Variants in PDE10A observed in about 807,000 individuals in gnomAD.
PDE10A encodes the protein phosphodiesterase 10A.
Under a neutral mutation model 97.7 loss-of-function variants are expected in PDE10A, and 39 were observed. The observed-to-expected ratio is 0.40, with a 90% CI of 0.31 to 0.52. PDE10A has a LOEUF of 0.52. PDE10A is among the 20% of genes least tolerant of loss of function. The probability of loss-of-function intolerance (pLI) is 0.56; values close to 1 mark genes in which losing one functional copy is unlikely to be tolerated. For missense variants in PDE10A, 731 were observed against 1,047.8 expected (o/e 0.70, Z 4.17); for synonymous variants, 371 against 376.8 (o/e 0.98, Z 0.18).
chr6:165,659,315 C>T (rs886550896), intron 1 of PDE10A, among the ~76,000 whole-genome samples: 6 of 151,976 alleles, frequency 3.9e-5, no homozygotes, highest in Non-Finnish European at 8.8e-5. Flanking sequence ...CAATTAGACA[C>T]ATTTGTATGC....
At chr6:165,411,236 A>C (rs1037248561) in intron 13 of PDE10A, among the ~76,000 whole-genome samples, 1 of 151,950 alleles carries the variant, frequency 6.6e-6, no homozygotes, top group Non-Finnish European at 1.5e-5. Context: ...ACAACACAGT[A>C]CTTGTGATGG....
At chr6:165,623,506 G>GGA (rs1788243624) in intron 1 of PDE10A, among the ~76,000 whole-genome samples, 1 of 145,708 alleles carries the variant, frequency 6.9e-6, no homozygotes, top group African/African-American at 2.5e-5. Context: ...GAGAGAGAGA[G>GGA]AGAAAAAAAA....
intron 2 of PDE10A, among the ~76,000 whole-genome samples, chr6:165,492,698 A>G (rs968667993): frequency 1.3e-5 from 2 of 152,202 alleles, no homozygotes; most frequent in African/African-American, 2.4e-5. Flanking sequence ...CCTTAAGGTA[A>G]TAAAAGCCAT....
chr6:165,522,022 T>C (rs1782158696), intron 2 of PDE10A, among the ~76,000 whole-genome samples: 1 of 152,204 alleles, frequency 6.6e-6, no homozygotes, highest in African/African-American at 2.4e-5. Flanking sequence ...TTTGTAAGGC[T>C]GAATAATATT....
At chr6:165,788,518 C>CAAAAAAAAAAAAAAAAAA (rs56927613) in intron 1 of PDE10A, among the ~76,000 whole-genome samples, 14 of 74,708 alleles carry the variant, frequency 1.9e-4, no homozygotes, top group South Asian at 5.5e-4. Flanking sequence ...AACTCTGTCT[C>CAAAAAAAAAAAAAAAAAA]AAAAAAAAAA....
chr6:165,582,086 A>G (rs1785645464), intron 1 of PDE10A, among the ~76,000 whole-genome samples: 2 of 152,250 alleles, frequency 1.3e-5, no homozygotes, highest in Admixed American at 1.3e-4. Flanking sequence ...GTAGACAATA[A>G]GAACAGTTGA....
At chr6:165,629,414 A>T (rs1040867719) in intron 1 of PDE10A, among the ~76,000 whole-genome samples, 4 of 152,192 alleles carry the variant, frequency 2.6e-5, no homozygotes, top group Non-Finnish European at 5.9e-5. Flanking sequence ...TTATACAGCC[A>T]GAAAAGAAGC....
At chr6:165,766,725 C>T (rs1777860367) in intron 1 of PDE10A, among the ~76,000 whole-genome samples, 1 of 152,192 alleles carries the variant, frequency 6.6e-6, no homozygotes, top group Non-Finnish European at 1.5e-5. Context: ...TTCAACCTCT[C>T]CTTCCTGAGA....
intron 1 of PDE10A, among the ~76,000 whole-genome samples, chr6:165,757,140 C>A (rs1583044292): frequency 6.6e-6 from 1 of 151,886 alleles, no homozygotes; most frequent in African/African-American, 2.4e-5. Flanking sequence ...CTAATTTTTG[C>A]ATTTTTAGTA....
chr6:165,490,890 G>C (rs745483420), intron 2 of PDE10A, among the ~76,000 whole-genome samples: 13 of 152,154 alleles, frequency 8.5e-5, no homozygotes, highest in Non-Finnish European at 1.0e-4. Context: ...GGGAAGTAGA[G>C]GCCGCAGTGA....
chr6:165,848,768 C>T (rs1188681814), intron 1 of PDE10A, among the ~76,000 whole-genome samples: 2 of 152,070 alleles, frequency 1.3e-5, no homozygotes, highest in East Asian at 3.9e-4. Context: ...CCGGGGGAAT[C>T]AAGGTTGGTT....
At chr6:165,341,750 T>C (rs1456929049) in intron 19 of PDE10A, among the ~76,000 whole-genome samples, 1 of 152,154 alleles carries the variant, frequency 6.6e-6, no homozygotes, top group East Asian at 1.9e-4. Context: ...TGTAACTCTG[T>C]ATAGGTGCTA....
chr6:165,347,861 G>A (rs1175273080), intron 18 of PDE10A, among the ~76,000 whole-genome samples: 1 of 152,094 alleles, frequency 6.6e-6, no homozygotes, highest in Non-Finnish European at 1.5e-5. Flanking sequence ...ATAAAAAACA[G>A]GTAACACATC....
chr6:165,355,787 AAAC>A (rs1032815609), intron 18 of PDE10A, among the ~76,000 whole-genome samples: 4 of 152,174 alleles, frequency 2.6e-5, no homozygotes, highest in Admixed American at 2.6e-4. Context: ...AATAAAAACA[AAAC>A]AACTAAGGTG....
intron 2 of PDE10A, among the ~76,000 whole-genome samples, chr6:165,496,260 T>C (rs1171934562): frequency 2.0e-5 from 3 of 152,180 alleles, no homozygotes; most frequent in African/African-American, 7.2e-5. Context: ...CTAGTCTGTC[T>C]GAGAGGTCCT....
At chr6:165,433,373 G>A (rs1164157673) in intron 6 of PDE10A, among the ~76,000 whole-genome samples, 2 of 152,024 alleles carry the variant, frequency 1.3e-5, no homozygotes, top group African/African-American at 2.4e-5. Context: ...TTTAATGAAC[G>A]AATGACATAT....
rs184442610 is a variant in PDE10A at position 165,505,659 on chromosome 6, G to A, written c.995-23316C>T. On this transcript the variant is annotated intron_variant, in intron 2 of 21. Coordinates refer to ENST00000539869, the MANE Select transcript of PDE10A (RefSeq NM_001385079.1). ...CTCGGTACATTGAAATATGTCTGTTGTCTTATTATAGCTAAAAACTGCACA... is the reference window on the plus strand; with the variant it reads ...CTCGGTACATTGAAATATGTCTGTTATCTTATTATAGCTAAAAACTGCACA... 7.9e-5 allele frequency among the ~76,000 whole-genome samples: 12 copies of A among 152,246 alleles called. No homozygotes were observed. The East Asian group carries it at 2.1e-3, about 27-fold the overall frequency.
At chr6:165,740,984 A>G (rs1435080828) in intron 1 of PDE10A, among the ~76,000 whole-genome samples, 2 of 152,170 alleles carry the variant, frequency 1.3e-5, no homozygotes, top group Non-Finnish European at 2.9e-5. Context: ...CAATAATTAT[A>G]TCAATAATAC....
At chr6:165,366,569 C>A (rs1318315841) in intron 18 of PDE10A, among the ~76,000 whole-genome samples, 1 of 152,156 alleles carries the variant, frequency 6.6e-6, no homozygotes, top group Admixed American at 6.5e-5. Flanking sequence ...GGCAAGACCA[C>A]GTTGGGTGAC....
Sources: gnomAD v4.1 joint callset for allele counts (sites outside exome capture counted in the v4.1 genomes callset) on GRCh38, gnomAD v4.1.1 for gene constraint, MANE v1.5 for transcripts, NCBI Gene and HGNC (gene_info 2026-07-23, HGNC 2026-07-21) for gene names.